TRAPPC9: variants seen among roughly 807,000 people sequenced by gnomAD.
TRAPPC9 encodes IKK2 binding protein.
Under a neutral mutation model 124.0 loss-of-function variants are expected in TRAPPC9, and 83 were observed. The observed-to-expected ratio is 0.67, with a 90% CI of 0.56 to 0.80. The LOEUF (loss-of-function observed/expected upper bound fraction) is 0.80, where lower values mean the gene tolerates loss of function less well. TRAPPC9 is among the 30% of genes least tolerant of loss of function. The probability of loss-of-function intolerance (pLI) is 0.00; values close to 1 mark genes in which losing one functional copy is unlikely to be tolerated. For synonymous variants in TRAPPC9, 638 were observed against 617.5 expected (o/e 1.03, Z -0.49); for missense variants, 1,302 against 1,508.3 (o/e 0.86, Z 2.27).
chr8:139,862,040 C>G (rs568092443), intron 21 of TRAPPC9, among the ~76,000 whole-genome samples: 1 of 152,390 alleles, frequency 6.6e-6, no homozygotes, highest in Admixed American at 6.5e-5. Flanking sequence ...GGTGCCTTTG[C>G]TAGGCAGATA....
chr8:139,862,730 C>T (rs144570700), intron 21 of TRAPPC9, among the ~76,000 whole-genome samples: 63 of 152,346 alleles, frequency 4.1e-4, no homozygotes, highest in Middle Eastern at 3.4e-3. Context: ...AAGTCCTGGG[C>T]AAGTCCTAAG....
intron 16 of TRAPPC9, among the ~76,000 whole-genome samples, chr8:140,243,065 C>A (rs1207260188): frequency 1.3e-5 from 2 of 152,212 alleles, no homozygotes; most frequent in Non-Finnish European, 2.9e-5. Context: ...CAGAACCCCC[C>A]AGAGAATGGG....
At chr8:140,180,584 G>A (rs1288081363) in intron 17 of TRAPPC9, among the ~76,000 whole-genome samples, 2 of 151,844 alleles carry the variant, frequency 1.3e-5, no homozygotes, top group Non-Finnish European at 2.9e-5. Context: ...CTCTAGCAGA[G>A]TAAGTCTTCT....
rs1389005080 is a variant in TRAPPC9 at position 139,823,738 on chromosome 8, G to A, written c.3055+62141C>T. 2.0e-5 allele frequency among the ~76,000 whole-genome samples: 3 copies of A among 152,228 alleles called. No individual in the cohort carries two copies. In the East Asian group the frequency reaches 5.8e-4, roughly 29 times the overall value. On this transcript the variant is annotated intron_variant, in intron 21 of 22. Coordinates refer to ENST00000438773, the MANE Select transcript of TRAPPC9 (RefSeq NM_001160372.4). ...TGCCAGTCTTTCCAGGTATGGGGCTGACGCTGAGCTCTGAACATCCCTGGG... is the reference window on the plus strand; with the variant it reads ...TGCCAGTCTTTCCAGGTATGGGGCTAACGCTGAGCTCTGAACATCCCTGGG...
In TRAPPC9 at chr8:140,077,266, A is replaced by G. The variant is rs542505714; in HGVS notation, c.2557-53187T>C. Among the ~76,000 whole-genome samples, 15 of 152,370 alleles carry G rather than the reference A, an allele frequency of 9.8e-5. No individual in the cohort carries two copies. In the East Asian group the frequency reaches 2.9e-3, roughly 29 times the overall value. ...ATCTTCCCATTAGACTGAAAGCTTCATGAGGACAGGGATCATGGTTCACTT... is the reference window on the plus strand; with the variant it reads ...ATCTTCCCATTAGACTGAAAGCTTCGTGAGGACAGGGATCATGGTTCACTT... On this transcript the variant is annotated intron_variant, in intron 17 of 22. Coordinates refer to ENST00000438773, the MANE Select transcript of TRAPPC9 (RefSeq NM_001160372.4).
chr8:139,794,819 C>A (rs1425838835), intron 21 of TRAPPC9, among the ~76,000 whole-genome samples: 1 of 152,200 alleles, frequency 6.6e-6, no homozygotes, highest in Non-Finnish European at 1.5e-5. Context: ...GTGGGAGTCG[C>A]CTACCATTCT....
intron 20 of TRAPPC9, among the ~76,000 whole-genome samples, chr8:139,895,788 A>T (rs1416270158): frequency 6.6e-6 from 1 of 152,152 alleles, no homozygotes; most frequent in African/African-American, 2.4e-5. Context: ...TTCCCTCCTG[A>T]TTCTCTTTGG....
At chr8:140,163,005 T>C (rs2061776534) in intron 17 of TRAPPC9, among the ~76,000 whole-genome samples, 1 of 152,076 alleles carries the variant, frequency 6.6e-6, no homozygotes, top group Non-Finnish European at 1.5e-5. Flanking sequence ...AAAAAAGAAA[T>C]TATTACAATG....
intron 9 of TRAPPC9, among the ~76,000 whole-genome samples, chr8:140,358,179 A>G (rs2067812058): frequency 6.6e-6 from 1 of 152,188 alleles, no homozygotes; most frequent in East Asian, 1.9e-4. Context: ...GATGGGCTTT[A>G]TGAGGACTGC....
chr8:140,333,899 G>C (rs2066964033), intron 9 of TRAPPC9, among the ~76,000 whole-genome samples: 1 of 152,208 alleles, frequency 6.6e-6, no homozygotes, highest in African/African-American at 2.4e-5. Context: ...TAACACAGAT[G>C]TTTTACAAAC....
chr8:140,302,210 G>A (rs956266414), intron 10 of TRAPPC9, among the ~76,000 whole-genome samples: 8 of 152,222 alleles, frequency 5.3e-5, no homozygotes, highest in Admixed American at 2.6e-4. Flanking sequence ...TGCCACATGC[G>A]TGGTTCTCAC....
chr8:139,940,257 ATCT>A (rs1291868920), intron 19 of TRAPPC9, among the ~76,000 whole-genome samples: 8 of 152,338 alleles, frequency 5.3e-5, no homozygotes, highest in African/African-American at 1.9e-4. Flanking sequence ...TTCTTAATAC[ATCT>A]TCTCCACCAT....
At chr8:140,442,334 T>C (rs529951452) in intron 2 of TRAPPC9, among the ~76,000 whole-genome samples, 1 of 152,298 alleles carries the variant, frequency 6.6e-6, no homozygotes, top group South Asian at 2.1e-4. Context: ...GCACAGTGGC[T>C]TACACCTGTA....
At position 140,104,270 on chromosome 8, in the gene TRAPPC9, G is replaced by A. The variant is rs1228184630; in HGVS notation, c.2557-80191C>T. 6.6e-6 allele frequency among the ~76,000 whole-genome samples: 1 copy of A among 152,166 alleles called. No homozygotes were observed. The highest frequency in any genetic ancestry group is 6.5e-5 in the Admixed American group (1 of 15,282). On this transcript the variant is annotated intron_variant, in intron 17 of 22. Transcript: ENST00000438773. This position sits in a 1 kb window ranked among gnomAD's most constrained non-coding sequence, Gnocchi z 4.0. ...AGATGAAAGACCTCTGCAACAGCCT[G>A]AACGGAACCAGGAGGGCTCCCCGCT...
At chr8:139,873,084 A>G (rs573328705) in intron 21 of TRAPPC9, among the ~76,000 whole-genome samples, 1 of 150,818 alleles carries the variant, frequency 6.6e-6, no homozygotes, top group Admixed American at 6.6e-5. Context: ...AGTTGGATGG[A>G]TGAGTGGGTT....
At chr8:139,753,688 G>A (rs1017922236) in intron 21 of TRAPPC9, among the ~76,000 whole-genome samples, 2 of 152,202 alleles carry the variant, frequency 1.3e-5, no homozygotes, top group Admixed American at 1.3e-4. Flanking sequence ...GTCCCATTAA[G>A]CCTTATGTCT....
At chr8:140,427,368 A>C (rs185705070) in intron 4 of TRAPPC9, among the ~76,000 whole-genome samples, 27 of 147,406 alleles carry the variant, frequency 1.8e-4, no homozygotes, top group African/African-American at 2.5e-4. Flanking sequence ...CTCTATATAT[A>C]TATCTCTCTC....
At chr8:140,115,739 AG>A (rs1238892201) in intron 17 of TRAPPC9, among the ~76,000 whole-genome samples, 2 of 151,898 alleles carry the variant, frequency 1.3e-5, no homozygotes, top group African/African-American at 4.8e-5. Context: ...GGCGAAGGGG[AG>A]AGCATACAGC....
intron 10 of TRAPPC9, among the ~76,000 whole-genome samples, chr8:140,304,677 G>A (rs141464177): frequency 1.3e-5 from 2 of 152,256 alleles, no homozygotes; most frequent in South Asian, 2.1e-4. Context: ...ACACGAGCCC[G>A]CTCCCCTCAG....
Sources: allele counts gnomAD v4.1 joint callset (sites outside exome capture counted in the v4.1 genomes callset), GRCh38; gene constraint gnomAD v4.1.1; non-coding constraint Gnocchi (gnomAD v3.1); transcripts MANE v1.5; gene names NCBI Gene and HGNC (gene_info 2026-07-23, HGNC 2026-07-21).